Variants in PCDH9 observed in about 807,000 individuals in gnomAD.
PCDH9 encodes the protein protocadherin 9.
In PCDH9, 24 loss-of-function variants were observed where a neutral mutation model predicts 70.6. The ratio of observed to expected loss-of-function variants is 0.34; its 90% CI spans 0.25 to 0.48. PCDH9 has a LOEUF of 0.48. PCDH9 is among the 20% of genes least tolerant of loss of function. PCDH9 has a pLI of 0.99. For missense variants in PCDH9, 1,281 were observed against 1,503.6 expected, an observed-to-expected ratio of 0.85 and a Z score of 2.45; for synonymous variants, 562 against 558.5, an observed-to-expected ratio of 1.01 and a Z score of -0.09.
At chr13:67,198,484 T>A (rs890783803) in intron 2 of PCDH9, among the ~76,000 whole-genome samples, 1 of 151,912 alleles carries the variant, frequency 6.6e-6, no homozygotes, top group Non-Finnish European at 1.5e-5. Context: ...TCTAATTTTA[T>A]CGTTTCTTCC....
At chr13:66,567,514 A>G (rs1426559882) in intron 4 of PCDH9, among the ~76,000 whole-genome samples, 1 of 152,326 alleles carries the variant, frequency 6.6e-6, no homozygotes, top group East Asian at 1.9e-4. Flanking sequence ...CTGCTAATAA[A>G]TAAATAGTCT....
At chr13:66,978,873 T>A in intron 2 of PCDH9, among the ~76,000 whole-genome samples, 1 of 151,168 alleles carries the variant, frequency 6.6e-6, no homozygotes, top group East Asian at 1.9e-4. Context: ...TATGCATATG[T>A]ATGAAGTTAT....
At chr13:66,665,062 C>A (rs2139025398) in intron 3 of PCDH9, among the ~76,000 whole-genome samples, 1 of 151,932 alleles carries the variant, frequency 6.6e-6, no homozygotes, top group African/African-American at 2.4e-5. Context: ...CCAATAATAT[C>A]CTTTTGCCAA....
intron 3 of PCDH9, among the ~76,000 whole-genome samples, chr13:66,660,654 C>A (rs985627223): frequency 4.6e-5 from 7 of 151,998 alleles, no homozygotes; most frequent in Admixed American, 1.3e-4. Flanking sequence ...ATCCATCTAG[C>A]AACTTGTTAT....
intron 2 of PCDH9, among the ~76,000 whole-genome samples, chr13:67,122,683 G>T (rs978195040): frequency 5.3e-5 from 8 of 151,578 alleles, no homozygotes; most frequent in Non-Finnish European, 7.4e-5. Context: ...CTGAGGCAGG[G>T]TAATCGCTTG....
intron 2 of PCDH9, among the ~76,000 whole-genome samples, chr13:66,988,870 T>C (rs879273023): frequency 3.3e-5 from 5 of 151,900 alleles, no homozygotes; most frequent in Admixed American, 2.0e-4. Context: ...TTATTACTGA[T>C]TGCGATTACA....
At chr13:66,780,292 T>G (rs2079977726) in intron 3 of PCDH9, among the ~76,000 whole-genome samples, 1 of 152,182 alleles carries the variant, frequency 6.6e-6, no homozygotes, top group Admixed American at 6.5e-5. Flanking sequence ...TTTGCCTAAT[T>G]TTATTTTTTA....
At chr13:66,948,969 G>A (rs961783803) in intron 2 of PCDH9, among the ~76,000 whole-genome samples, 7 of 151,108 alleles carry the variant, frequency 4.6e-5, no homozygotes, top group East Asian at 2.0e-4. Context: ...TAGAGCACAC[G>A]ATTTAATCTA....
At chr13:66,925,872 T>G (rs914329148) in intron 2 of PCDH9, among the ~76,000 whole-genome samples, 1 of 152,042 alleles carries the variant, frequency 6.6e-6, no homozygotes, top group Admixed American at 6.6e-5. Flanking sequence ...TTATTTATTA[T>G]GTACACATGA....
intron 2 of PCDH9, among the ~76,000 whole-genome samples, chr13:66,924,702 T>C (rs952505064): frequency 6.6e-6 from 1 of 151,830 alleles, no homozygotes; most frequent in Non-Finnish European, 1.5e-5. Context: ...CATAGCTACA[T>C]ACATACATGA....
intron 3 of PCDH9, among the ~76,000 whole-genome samples, chr13:66,640,879 A>AT (rs1053636162): frequency 5.3e-4 from 79 of 149,272 alleles, no homozygotes; most frequent in South Asian, 1.3e-3. Flanking sequence ...TAACTTTTGG[A>AT]TTTTTTTTTT....
At chr13:66,667,746 C>T (rs2078116232) in intron 3 of PCDH9, among the ~76,000 whole-genome samples, 1 of 152,090 alleles carries the variant, frequency 6.6e-6, no homozygotes, top group Non-Finnish European at 1.5e-5. Flanking sequence ...CTAAAATACA[C>T]ATCTAGTATT....
intron 4 of PCDH9, among the ~76,000 whole-genome samples, chr13:66,506,709 A>T (rs913441692): frequency 6.6e-6 from 1 of 152,246 alleles, no homozygotes; most frequent in Non-Finnish European, 1.5e-5. Context: ...TAAATGCTTA[A>T]TGATGATAAG....
At chr13:66,637,536 T>C (rs2077654260) in intron 3 of PCDH9, among the ~76,000 whole-genome samples, 1 of 152,218 alleles carries the variant, frequency 6.6e-6, no homozygotes, top group African/African-American at 2.4e-5. Context: ...TAATTTTCTA[T>C]GCTGTTTATT....
chr13:66,896,554 T>C (rs1271767423), intron 3 of PCDH9, among the ~76,000 whole-genome samples: 1 of 151,472 alleles, frequency 6.6e-6, no homozygotes, highest in Non-Finnish European at 1.5e-5. Flanking sequence ...TTATGTATAA[T>C]AATTTCTATA....
chr13:66,825,524 A>G (rs1303647030), intron 3 of PCDH9, among the ~76,000 whole-genome samples: 1 of 150,156 alleles, frequency 6.7e-6, no homozygotes, highest in Non-Finnish European at 1.5e-5. Context: ...TTTAGTAGAG[A>G]CGGGGTTTCA....
rs561910678 is a variant in PCDH9, at chr13:66,623,553, C to G, written c.3340+7657G>C. ...TCCAAGGCTCAGGCAATCCCCCCAC[C>G]TCAGCCTCCTTAGTAGCTAGGACTG... On this transcript the variant is annotated intron_variant, in intron 4 of 4. Transcript: ENST00000377865. Among the ~76,000 whole-genome samples, 3 of 152,338 alleles carry G rather than the reference C, an allele frequency of 2.0e-5. No homozygotes were observed. In the South Asian group the frequency reaches 6.2e-4, roughly 32 times the overall value.
At chr13:66,329,294 T>C (rs1473552198) in intron 4 of PCDH9, among the ~76,000 whole-genome samples, 2 of 152,202 alleles carry the variant, frequency 1.3e-5, no homozygotes, top group African/African-American at 2.4e-5. Flanking sequence ...TTGACAATTA[T>C]TCTGATTTTT....
intron 4 of PCDH9, among the ~76,000 whole-genome samples, chr13:66,318,772 G>T (rs538235259): frequency 6.6e-6 from 1 of 152,166 alleles, no homozygotes; most frequent in Admixed American, 6.5e-5. Flanking sequence ...AAAAGTTATG[G>T]TTAATCACAT....
Sources: allele counts gnomAD v4.1 joint callset (sites outside exome capture counted in the v4.1 genomes callset), GRCh38; gene constraint gnomAD v4.1.1; transcripts MANE v1.5; gene names NCBI Gene and HGNC (gene_info 2026-07-23, HGNC 2026-07-21).